Variants in SORCS1 observed in about 807,000 individuals in gnomAD.
SORCS1 encodes VPS10 domain-containing receptor SorCS1.
Under a neutral mutation model 146.1 loss-of-function variants are expected in SORCS1, and 60 were observed. The ratio of observed to expected loss-of-function variants is 0.41; its 90% CI spans 0.33 to 0.51. The LOEUF (loss-of-function observed/expected upper bound fraction) is 0.51. Ranked by LOEUF, SORCS1 falls within the 20% of genes least tolerant of loss-of-function variation. The pLI, the probability that SORCS1 is intolerant of heterozygous loss-of-function variation, is 0.21. For synonymous variants in SORCS1, 637 were observed against 584.0 expected (o/e 1.09, Z -1.31); for missense variants, 1,352 against 1,487.6 (o/e 0.91, Z 1.50).
At chr10:107,129,922 T>G (rs751431081) in intron 1 of SORCS1, among the ~76,000 whole-genome samples, 20 of 152,130 alleles carry the variant, frequency 1.3e-4, no homozygotes, top group Non-Finnish European at 2.8e-4. Context: ...TGCTTGTTGA[T>G]GTATGTTTAT....
chr10:106,859,198 A>G (rs1949912114), intron 2 of SORCS1, among the ~76,000 whole-genome samples: 1 of 152,204 alleles, frequency 6.6e-6, no homozygotes, highest in African/African-American at 2.4e-5. Flanking sequence ...GACCATGCCA[A>G]TCAACTAGCA....
At chr10:106,973,530 T>A (rs1278864503) in intron 1 of SORCS1, among the ~76,000 whole-genome samples, 1 of 152,132 alleles carries the variant, frequency 6.6e-6, no homozygotes, top group Non-Finnish European at 1.5e-5. Context: ...GGAATAAGAC[T>A]GCAAGGGGGT....
intron 21 of SORCS1, 57 bp from the exon 22 acceptor site, chr10:106,612,080 T>G: frequency 7.4e-7 from 1 of 1,359,256 alleles, no homozygotes; most frequent in South Asian, 1.2e-5. Context: ...TCAAGAGGTT[T>G]GTTAGACTTT....
At position 106,606,274 on chromosome 10, in the gene SORCS1, T is replaced by TACACACAC. The variant is rs6144077; in HGVS notation, c.3165+884_3165+891dup. On this transcript the variant is annotated intron_variant, in intron 23 of 25. Coordinates refer to ENST00000263054, the MANE Select transcript of SORCS1 (RefSeq NM_052918.5). ...AATCACACAAATACACACACAGATA[T>TACACACAC]ACACACACACACACACACACACACA... 2.9e-3 allele frequency among the ~76,000 whole-genome samples: 407 copies of TACACACAC among 139,046 alleles called. 1 individual carries two copies. Among genetic ancestry groups the TACACACAC allele is most frequent in the African/African-American group, 9.6e-3 (317 of 33,184 alleles). The allele number at this position is 139,046 out of a possible 152,430, so 91.2% of individuals were successfully genotyped here.
chr10:106,938,658 C>T (rs1400752194), intron 2 of SORCS1, among the ~76,000 whole-genome samples: 1 of 152,184 alleles, frequency 6.6e-6, no homozygotes, highest in African/African-American at 2.4e-5. Context: ...CAGGCAGCAA[C>T]CATTTGAGTA....
chr10:106,603,636 A>C (rs1177247688), intron 23 of SORCS1, among the ~76,000 whole-genome samples: 1 of 152,020 alleles, frequency 6.6e-6, no homozygotes, highest in Admixed American at 6.5e-5. Flanking sequence ...GCACCTTTAC[A>C]AGAAAGGGGG....
intron 4 of SORCS1, 134 bp downstream of exon 4, chr10:106,776,400 C>A (rs1860434784): frequency 2.8e-6 from 3 of 1,079,094 alleles, no homozygotes; most frequent in Non-Finnish European, 4.0e-6. Flanking sequence ...TTTCCCTTGT[C>A]CCATTAGCAC....
intron 21 of SORCS1, among the ~76,000 whole-genome samples, chr10:106,613,589 G>A (rs182947224): frequency 1.3e-3 from 191 of 152,256 alleles, no homozygotes; most frequent in African/African-American, 4.2e-3. Context: ...GCCTTGGTCA[G>A]TTACACTCTC....
chr10:107,069,946 C>T (rs77519849), intron 1 of SORCS1, among the ~76,000 whole-genome samples: 64 of 152,282 alleles, frequency 4.2e-4, no homozygotes, highest in African/African-American at 1.4e-3. Flanking sequence ...TTCATCACCC[C>T]AAAAGAAACC....
At chr10:107,121,273 T>C (rs1966392561) in intron 1 of SORCS1, among the ~76,000 whole-genome samples, 1 of 152,114 alleles carries the variant, frequency 6.6e-6, no homozygotes. Flanking sequence ...TCTCTGTCAA[T>C]CCTGAGAGCC....
intron 4 of SORCS1, among the ~76,000 whole-genome samples, chr10:106,769,497 A>AG (rs1359633599): frequency 4.0e-4 from 61 of 152,006 alleles, no homozygotes; most frequent in African/African-American, 1.4e-3. Flanking sequence ...AAAAAAAAAA[A>AG]AAAAGAAAGA....
chr10:106,603,241 G>T (rs1198993265), intron 23 of SORCS1, among the ~76,000 whole-genome samples: 1 of 152,086 alleles, frequency 6.6e-6, no homozygotes, highest in African/African-American at 2.4e-5. Context: ...TGAGGGGCAG[G>T]GCTTGCTCCA....
chr10:106,607,029 C>T, intron 23 of SORCS1, 137 bp downstream of exon 23: 1 of 1,152,534 alleles, frequency 8.7e-7, no homozygotes. Context: ...ATACACCTAC[C>T]ATGAATGCTC....
At chr10:106,703,754 T>C (rs1295133855) in intron 8 of SORCS1, among the ~76,000 whole-genome samples, 1 of 152,232 alleles carries the variant, frequency 6.6e-6, no homozygotes, top group Non-Finnish European at 1.5e-5. Context: ...ATGAAATATA[T>C]GCACCTTTGT....
intron 2 of SORCS1, among the ~76,000 whole-genome samples, chr10:106,894,264 C>T (rs556532801): frequency 1.1e-4 from 12 of 108,660 alleles, no homozygotes; most frequent in Admixed American, 2.7e-4. Flanking sequence ...CGCGCGCGCA[C>T]GTGTGCGTGT....
At chr10:106,937,888 C>T (rs949892785) in intron 2 of SORCS1, among the ~76,000 whole-genome samples, 6 of 150,374 alleles carry the variant, frequency 4.0e-5, no homozygotes, top group African/African-American at 9.8e-5. Flanking sequence ...TGCTTGACCT[C>T]GGGAGGCGGA....
chr10:106,749,903 G>A (rs891776959), intron 5 of SORCS1, among the ~76,000 whole-genome samples: 1 of 152,258 alleles, frequency 6.6e-6, no homozygotes, highest in Non-Finnish European at 1.5e-5. Context: ...GTTAATTAAA[G>A]AGCTCAATGT....
At chr10:107,082,336 GC>G (rs1417907746) in intron 1 of SORCS1, among the ~76,000 whole-genome samples, 1 of 152,030 alleles carries the variant, frequency 6.6e-6, no homozygotes, top group Non-Finnish European at 1.5e-5. Flanking sequence ...GTTTTGCTTT[GC>G]TTTTAAAGTT....
intron 1 of SORCS1, among the ~76,000 whole-genome samples, chr10:107,163,169 C>T (rs1195986246): frequency 6.6e-6 from 1 of 152,210 alleles, no homozygotes; most frequent in Non-Finnish European, 1.5e-5. Context: ...TTGAGCAATC[C>T]CTTTCCTGCC....
Sources: allele counts gnomAD v4.1 joint callset (sites outside exome capture counted in the v4.1 genomes callset), GRCh38; gene constraint gnomAD v4.1.1; transcripts MANE v1.5; gene names NCBI Gene and HGNC (gene_info 2026-07-23, HGNC 2026-07-21).